Variants in PCDHA2 observed in about 807,000 individuals in gnomAD.
PCDHA2 encodes protocadherin alpha-2.
A neutral mutation model predicts 66.0 loss-of-function variants in PCDHA2; 58 were observed. That is an observed-to-expected ratio of 0.88 (90% confidence interval 0.71 to 1.09). PCDHA2 has a LOEUF of 1.09. PCDHA2 is among the 50% of genes least tolerant of loss of function. The probability of loss-of-function intolerance (pLI) is 0.00; values close to 1 mark genes in which losing one functional copy is unlikely to be tolerated. For missense variants in PCDHA2, 1,267 were observed against 1,242.3 expected, an observed-to-expected ratio of 1.02 and a Z score of -0.30; for synonymous variants, 634 against 554.0, an observed-to-expected ratio of 1.14 and a Z score of -2.03.
At chr5:140,828,560 G>C (rs2150156766) in intron 1 of PCDHA2, 1 of 1,614,210 alleles carries the variant, frequency 6.2e-7, no homozygotes, top group South Asian at 1.1e-5. Context: ...ACTGGAGGGC[G>C]CGTCCGATGC....
intron 1 of PCDHA2, among the ~76,000 whole-genome samples, chr5:140,963,268 T>C (rs1329086504): frequency 6.6e-6 from 1 of 152,042 alleles, no homozygotes; most frequent in African/African-American, 2.4e-5. Flanking sequence ...GACTTTGAAA[T>C]GTATGTAAGA....
At chr5:141,007,000 G>A (rs2098298646) in intron 3 of PCDHA2, among the ~76,000 whole-genome samples, 1 of 152,128 alleles carries the variant, frequency 6.6e-6, no homozygotes, top group South Asian at 2.1e-4. Flanking sequence ...ATATAAGTCT[G>A]CATCTCATCA....
chr5:140,796,706 T>C lies in PCDHA2; in HGVS notation c.1742T>C (p.Val581Ala). ...GCTGCTGGCGCAGTGAGTGAGCTGG[T>C]GCCGTGGTCGGTGGGTGCAGGGCAC... Reference protein sequence around the residue: ...GTAAGAVSELVPWSVGAGHVV... With the variant: ...GTAAGAVSELAPWSVGAGHVV... The change falls in exon 1 of 4, where the codon GTG becomes GCG. Residue 581 changes from valine (V) to alanine (A), a missense_variant. Physicochemically the swap from Val to Ala is moderately conservative, Grantham distance 64. Transcript: ENST00000526136. 6.2e-7 allele frequency: 1 copy of C among 1,613,978 alleles called. No homozygotes were observed. Among genetic ancestry groups the C allele is most frequent in the Non-Finnish European group, 8.5e-7 (1 of 1,179,912 alleles).
intron 1 of PCDHA2, chr5:140,841,717 G>A: frequency 6.2e-7 from 1 of 1,613,924 alleles, no homozygotes; most frequent in Non-Finnish European, 8.5e-7. Flanking sequence ...ACCCGCCAGT[G>A]TTCCGGGTAA....
At chr5:140,907,927 T>C (rs970960629) in intron 1 of PCDHA2, among the ~76,000 whole-genome samples, 14 of 152,220 alleles carry the variant, frequency 9.2e-5, no homozygotes, top group Admixed American at 9.2e-4. Flanking sequence ...GAGAGGTCCA[T>C]TCACATACCT....
chr5:140,795,109 G>A lies in PCDHA2; in HGVS notation c.145G>A (p.Ala49Thr), dbSNP rs374233673. ...AKHGTFVGRI[A>T]QDLGLELEEL... ...ACACGGCACCTTCGTGGGCCGCATC[G>A]CGCAGGACCTGGGGCTGGAGCTGGA... Residue 49 changes from alanine (A) to threonine (T), a missense_variant, in exon 1 of 4, where the codon GCG (alanine) becomes ACG (threonine). Ala to Thr is a moderately conservative substitution (Grantham distance 58). Transcript: ENST00000526136. 1 of 1,614,030 alleles carries A rather than the reference G, an allele frequency of 6.2e-7. No homozygotes were observed. The highest frequency in any genetic ancestry group is 8.5e-7 in the Non-Finnish European group (1 of 1,180,042).
intron 1 of PCDHA2, among the ~76,000 whole-genome samples, chr5:140,893,943 G>C (rs550475): frequency 0.54 from 81,510 of 151,914 alleles, 22,066 homozygotes; most frequent in African/African-American, 0.61. Flanking sequence ...TGTTAATTCT[G>C]CATGACTTTA....
rs782715771 is a variant in PCDHA2, at chr5:140,796,716, G to A, written c.1752G>A (p.Ser584=). 1.2e-6 allele frequency: 2 copies of A among 1,613,932 alleles called. No homozygotes were observed. The highest frequency in any genetic ancestry group is 1.3e-5 in the African/African-American group (1 of 74,942). The part of the protein sequence containing the change: ...AGAVSELVPW[S]VGAGHVVAKV... ...CAGTGAGTGAGCTGGTGCCGTGGTC[G>A]GTGGGTGCAGGGCACGTGGTGGCGA... The change falls in exon 1 of 4, where the codon TCG becomes TCA. Residue 584 remains serine (S), a synonymous_variant. Coordinates refer to ENST00000526136, the MANE Select transcript of PCDHA2 (RefSeq NM_018905.3).
At chr5:140,912,200 T>C (rs191284675) in intron 1 of PCDHA2, among the ~76,000 whole-genome samples, 123 of 152,280 alleles carry the variant, frequency 8.1e-4, no homozygotes, top group African/African-American at 2.8e-3. Flanking sequence ...CCCACCCAGA[T>C]TGAGGGTAGA....
rs2150122177 is a variant in PCDHA2, at chr5:140,823,092, C to A, written c.2388+25740C>A. ...CGCCTTCGCTGTGGGCCACCGCCAG[C>A]GTGTCTGTGGAAGTGGCCGACGTGA... On this transcript the variant is annotated intron_variant, in intron 1 of 3. Coordinates refer to ENST00000526136, the MANE Select transcript of PCDHA2 (RefSeq NM_018905.3). 4.3e-6 allele frequency: 7 copies of A among 1,613,906 alleles called. No individual in the cohort carries two copies. The African/African-American group carries it at 8.0e-5, about 18-fold the overall frequency.
intron 1 of PCDHA2, chr5:140,871,449 G>A: frequency 6.2e-7 from 1 of 1,608,762 alleles, no homozygotes; most frequent in Non-Finnish European, 8.5e-7. Context: ...TGAATAAAGA[G>A]GAGGAAGGGG....
rs1212593321 is a variant in PCDHA2, at chr5:140,803,224, C to A, written c.2388+5872C>A. The A allele has an allele frequency of 2.5e-6, 4 of 1,613,848 alleles. No individual in the cohort carries two copies. The highest frequency in any genetic ancestry group is 2.7e-5 in the African/African-American group (2 of 75,068). ...TCGCTGGTGGAGAGTGGCCAGGCAC[C>A]CAAGGCCTCGTCCCAGGCGTCCGCT... On this transcript the variant is annotated intron_variant, in intron 1 of 3. Transcript: ENST00000526136.
At chr5:140,809,619 T>C in intron 1 of PCDHA2, 1 of 1,511,388 alleles carries the variant, frequency 6.6e-7, no homozygotes. Flanking sequence ...TGTTTTTCTC[T>C]ATCAACTTCT....
intron 1 of PCDHA2, chr5:140,859,356 A>T (rs1159666697): frequency 4.0e-6 from 1 of 251,742 alleles, no homozygotes; most frequent in African/African-American, 2.3e-5. Context: ...TACTGATCTG[A>T]TATATTGTAT....
intron 1 of PCDHA2, among the ~76,000 whole-genome samples, chr5:140,818,066 G>A (rs1766274959): frequency 6.6e-6 from 1 of 152,070 alleles, no homozygotes; most frequent in Non-Finnish European, 1.5e-5. Flanking sequence ...AATCTCGCTT[G>A]CAGTTTTCAA....
intron 1 of PCDHA2, among the ~76,000 whole-genome samples, chr5:140,936,741 C>T (rs1234099505): frequency 3.3e-5 from 5 of 152,138 alleles, no homozygotes; most frequent in African/African-American, 1.2e-4. Flanking sequence ...AGTAACTTTT[C>T]ATTTGTATTG....
intron 1 of PCDHA2, chr5:140,850,022 A>T (rs2150463810): frequency 4.4e-6 from 7 of 1,596,794 alleles, no homozygotes; most frequent in Non-Finnish European, 6.0e-6. Context: ...GCTACGTGTC[A>T]GTGCACGCGG....
chr5:140,808,824 G>C (rs142005186), intron 1 of PCDHA2: 1 of 1,612,766 alleles, frequency 6.2e-7, no homozygotes, highest in African/African-American at 1.3e-5. Context: ...CCACCTCTGG[G>C]CAGCAACGTG....
chr5:140,843,064 G>T (rs2150351494), intron 1 of PCDHA2: 2 of 1,595,268 alleles, frequency 1.3e-6, no homozygotes, highest in Non-Finnish European at 1.7e-6. Context: ...GCAAGCTGGT[G>T]CCGCGGTCTG....
Sources: gnomAD v4.1 joint callset for allele counts (sites outside exome capture counted in the v4.1 genomes callset) on GRCh38, gnomAD v4.1.1 for gene constraint, MANE v1.5 for transcripts, NCBI Gene and HGNC (gene_info 2026-07-23, HGNC 2026-07-21) for gene names.